Variants in TBC1D22A observed in about 807,000 individuals in gnomAD.
TBC1D22A encodes putative GTPase activator.
Under a neutral mutation model 60.2 loss-of-function variants are expected in TBC1D22A, and 38 were observed. The ratio of observed to expected loss-of-function variants is 0.63; its 90% CI spans 0.49 to 0.83. TBC1D22A has a LOEUF of 0.83. TBC1D22A is among the 40% of genes least tolerant of loss of function. The probability of loss-of-function intolerance (pLI) is 0.00; values close to 1 mark genes in which losing one functional copy is unlikely to be tolerated. For missense variants in TBC1D22A, 628 were observed against 701.0 expected (o/e 0.90, Z 1.18); for synonymous variants, 302 against 281.7 (o/e 1.07, Z -0.72).
intron 8 of TBC1D22A, among the ~76,000 whole-genome samples, chr22:46,918,915 C>T (rs562432335): frequency 1.3e-5 from 2 of 152,150 alleles, no homozygotes; most frequent in Non-Finnish European, 2.9e-5. Context: ...CAGCAGTCAC[C>T]GTTCTCCTTC....
At chr22:46,944,866 G>A (rs1257817660) in intron 8 of TBC1D22A, among the ~76,000 whole-genome samples, 1 of 152,190 alleles carries the variant, frequency 6.6e-6, no homozygotes, top group Non-Finnish European at 1.5e-5. Flanking sequence ...TTAAAGATGA[G>A]TGTGAAAATT....
At chr22:47,139,647 C>G (rs527777280) in intron 12 of TBC1D22A, among the ~76,000 whole-genome samples, 1 of 152,214 alleles carries the variant, frequency 6.6e-6, no homozygotes, top group Non-Finnish European at 1.5e-5. Context: ...GTCTAGGACA[C>G]TCACCTTCCA....
Position 46,793,624 on chromosome 22 carries a change from C to T in TBC1D22A, c.243C>T (p.Leu81=), listed in dbSNP as rs777766997. The change falls in exon 3 of 13, where the codon CTC becomes CTT. Residue 81 remains leucine, a synonymous_variant. Coordinates refer to ENST00000337137, the MANE Select transcript of TBC1D22A (RefSeq NM_014346.5). Reference sequence around the variant, plus strand: ...ACGCTGGGGAGGACGACGATGAGCTCCTGGCCATGGCGGCGGAGAGCCTGA... The same window carrying T: ...ACGCTGGGGAGGACGACGATGAGCTTCTGGCCATGGCGGCGGAGAGCCTGA... ...AWDAGEDDDE[L]LAMAAESLNS... The T allele has an allele frequency of 6.2e-7, 1 of 1,613,770 alleles. No homozygotes were observed. Among genetic ancestry groups the T allele is most frequent in the Non-Finnish European group, 8.5e-7 (1 of 1,180,052 alleles).
At chr22:46,803,251 A>G (rs710119) in intron 4 of TBC1D22A, among the ~76,000 whole-genome samples, 111,616 of 152,004 alleles carry the variant, frequency 0.73, 41,104 homozygotes, top group Middle Eastern at 0.84. Flanking sequence ...ACAAGGTTAA[A>G]CAGGCGGCTG....
At chr22:47,119,643 C>T (rs779686622) in intron 12 of TBC1D22A, among the ~76,000 whole-genome samples, 5 of 152,008 alleles carry the variant, frequency 3.3e-5, no homozygotes, top group African/African-American at 7.3e-5. Context: ...ACTACAGGCA[C>T]GTGGCAGCAC....
At chr22:47,015,137 C>T (rs975264830) in intron 10 of TBC1D22A, among the ~76,000 whole-genome samples, 5 of 152,224 alleles carry the variant, frequency 3.3e-5, no homozygotes, top group East Asian at 1.9e-4. Context: ...GAGCCACCGT[C>T]GGAGTCACAC....
At chr22:46,885,061 G>C (rs1417969190) in intron 5 of TBC1D22A, among the ~76,000 whole-genome samples, 1 of 152,234 alleles carries the variant, frequency 6.6e-6, no homozygotes, top group African/African-American at 2.4e-5. Flanking sequence ...TAGAGCCAGC[G>C]TGTGGAGAAA....
intron 11 of TBC1D22A, among the ~76,000 whole-genome samples, chr22:47,086,328 G>A (rs1297267893): frequency 3.3e-5 from 5 of 152,150 alleles, no homozygotes; most frequent in East Asian, 1.9e-4. Flanking sequence ...GGTGGCAGGC[G>A]CCTGTAATCC....
chr22:47,036,786 C>T (rs1455754692), intron 10 of TBC1D22A, among the ~76,000 whole-genome samples: 2 of 152,128 alleles, frequency 1.3e-5, no homozygotes, highest in African/African-American at 2.4e-5. Context: ...TCGACTCAAG[C>T]CCCCCCATCT....
At chr22:46,993,881 G>T in intron 9 of TBC1D22A, among the ~76,000 whole-genome samples, 1 of 131,724 alleles carries the variant, frequency 7.6e-6, no homozygotes, top group East Asian at 1.9e-4. Context: ...CTCACCTCCC[G>T]AGCCAGGAGC....
intron 10 of TBC1D22A, among the ~76,000 whole-genome samples, chr22:46,999,931 A>G (rs2075255701): frequency 1.3e-5 from 2 of 152,188 alleles, no homozygotes; most frequent in African/African-American, 2.4e-5. Context: ...AGGCTGAGTC[A>G]GAAGACTGGC....
At chr22:47,127,655 C>T (rs80299207) in intron 12 of TBC1D22A, among the ~76,000 whole-genome samples, 6,280 of 152,170 alleles carry the variant, frequency 0.041, 237 homozygotes, top group Admixed American at 0.12. Flanking sequence ...GGCCCCGTTC[C>T]TGTGTGGAGA....
intron 4 of TBC1D22A, among the ~76,000 whole-genome samples, chr22:46,806,547 A>T (rs2085148830): frequency 6.7e-6 from 1 of 150,146 alleles, no homozygotes; most frequent in Non-Finnish European, 1.5e-5. Context: ...AAATTAAATT[A>T]AATATTAAAA....
chr22:46,840,918 C>G (rs2086730004), intron 4 of TBC1D22A, among the ~76,000 whole-genome samples: 1 of 151,962 alleles, frequency 6.6e-6, no homozygotes, highest in South Asian at 2.1e-4. Flanking sequence ...GGTATATATC[C>G]AAAGGAAATG....
At chr22:47,036,031 C>A (rs951620646) in intron 10 of TBC1D22A, among the ~76,000 whole-genome samples, 1 of 152,142 alleles carries the variant, frequency 6.6e-6, no homozygotes. Flanking sequence ...GAGGGAATGG[C>A]GATCCCTGTG....
At chr22:46,978,720 C>T (rs561039110) in intron 9 of TBC1D22A, among the ~76,000 whole-genome samples, 24 of 152,206 alleles carry the variant, frequency 1.6e-4, no homozygotes, top group African/African-American at 5.8e-4. Context: ...AGCGATTCTC[C>T]GCCTCAGCCT....
At chr22:47,102,830 C>G (rs374845207) in intron 11 of TBC1D22A, among the ~76,000 whole-genome samples, 2 of 152,184 alleles carry the variant, frequency 1.3e-5, no homozygotes, top group African/African-American at 4.8e-5. Context: ...TAAGCAAATT[C>G]AGAGTGTAAA....
intron 8 of TBC1D22A, among the ~76,000 whole-genome samples, chr22:46,958,688 G>A (rs1014508766): frequency 6.6e-6 from 1 of 152,308 alleles, no homozygotes; most frequent in South Asian, 2.1e-4. Flanking sequence ...CCCAGCTGCT[G>A]GAACAGTTTT....
intron 8 of TBC1D22A, among the ~76,000 whole-genome samples, chr22:46,939,432 CAAG>C (rs1218110745): frequency 1.3e-5 from 2 of 152,322 alleles, no homozygotes; most frequent in East Asian, 3.9e-4. Flanking sequence ...TATTTTATGA[CAAG>C]AATGTGGACC....
Sources: gnomAD v4.1 joint callset for allele counts (sites outside exome capture counted in the v4.1 genomes callset) on GRCh38, gnomAD v4.1.1 for gene constraint, MANE v1.5 for transcripts, NCBI Gene and HGNC (gene_info 2026-07-23, HGNC 2026-07-21) for gene names.